NID2: variants seen among roughly 807,000 people sequenced by gnomAD.
The protein encoded by NID2 is nidogen-2.
In NID2, 83 loss-of-function variants were observed where a neutral mutation model predicts 145.4. The ratio of observed to expected loss-of-function variants is 0.57; its 90% CI spans 0.48 to 0.69. NID2 has a LOEUF of 0.69. Ranked by LOEUF, NID2 falls within the 30% of genes least tolerant of loss-of-function variation. The pLI is 0.00. For synonymous variants in NID2, 739 were observed against 701.3 expected (o/e 1.05, Z -0.85); for missense variants, 1,807 against 1,765.7 (o/e 1.02, Z -0.42).
chr14:52,005,887 ATTTACTAGATAAAGAAG>A lies in NID2; in HGVS notation c.4005-55_4005-39del, dbSNP rs760995146. ...AGGAAGAGTGAATTCAGGGACAGTC[ATTTACTAGATAAAGAAG>A]TCAGTCAGCCACAGAAAATCAGTTG... On this transcript the variant is annotated intron_variant, in intron 20 of 21. Coordinates refer to ENST00000216286, the MANE Select transcript of NID2 (RefSeq NM_007361.4). 7.0e-6 allele frequency: 10 copies of A among 1,438,232 alleles called. 1 individual carries two copies. In the South Asian group the frequency reaches 1.0e-4, roughly 15 times the overall value. The allele number at this position is 1,438,232 out of a possible 1,614,324, so 89.1% of individuals were successfully genotyped here.
At chr14:52,006,459 T>C in intron 20 of NID2, 78 bp downstream of exon 20, 6 of 1,564,242 alleles carry the variant, frequency 3.8e-6, no homozygotes, top group Non-Finnish European at 5.2e-6. Flanking sequence ...AGTCAGGTAC[T>C]GACTTTTGGT....
At chr14:52,038,612 A>C in intron 9 of NID2, 135 bp downstream of exon 9, 1 of 598,928 alleles carries the variant, frequency 1.7e-6, no homozygotes, top group Non-Finnish European at 2.7e-6. Context: ...AAGGGCAAGG[A>C]TCTGCTCTAT....
intron 9 of NID2, among the ~76,000 whole-genome samples, chr14:52,030,567 A>AGAAAAAGAAC (rs66551436): frequency 1.0e-5 from 1 of 99,272 alleles, no homozygotes; most frequent in Non-Finnish European, 2.0e-5. Context: ...AAAGAAAGAA[A>AGAAAAAGAAC]GGAAGGAAGG....
chr14:52,004,822 CTT>C lies in NID2; in HGVS notation c.*662_*663del, dbSNP rs1199515011. 8.9e-6 allele frequency: 2 copies of C among 224,952 alleles called. No homozygotes were observed. The highest frequency in any genetic ancestry group is 4.5e-5 in the African/African-American group (2 of 44,074). 13.9% of individuals were successfully genotyped at this position (224,952 alleles called of 1,614,324 possible). A position where few individuals can be genotyped will look rare whatever the true frequency, so the allele number is the denominator to read the frequency against. On this transcript the variant is annotated 3_prime_UTR_variant, in exon 22 of 22. Coordinates refer to ENST00000216286, the MANE Select transcript of NID2 (RefSeq NM_007361.4). ...TTAAGTCATAGGAAAACTTAAAACA[CTT>C]TATTGGAGTAATCTAGAAAATTTTA...
At position 52,054,064 on chromosome 14, in the gene NID2, A is replaced by G. The variant is rs74581978; in HGVS notation, c.1025T>C (p.Ile342Thr). 17 of 1,614,050 alleles carry G rather than the reference A, an allele frequency of 1.1e-5. No individual in the cohort carries two copies. In the Admixed American group the frequency reaches 1.7e-4, roughly 16 times the overall value. Reference protein sequence around the residue: ...PEEALNGHSSIDVSFQSKVDT... With the variant: ...PEEALNGHSSTDVSFQSKVDT... ...CACTTTGGATTGGAAGGAAACATCAATGCTGCTGTGGCCATTCAATGCCTC... is the reference window on the plus strand; with the variant it reads ...CACTTTGGATTGGAAGGAAACATCAGTGCTGCTGTGGCCATTCAATGCCTC... Residue 342 changes from isoleucine to threonine, a missense_variant, in exon 4 of 22, where the codon ATT (isoleucine) becomes ACT (threonine). By Grantham distance (89) the Ile-to-Thr change is moderately conservative. Transcript: ENST00000216286.
At chr14:52,025,236 G>A (rs553618445) in intron 12 of NID2, among the ~76,000 whole-genome samples, 1 of 152,312 alleles carries the variant, frequency 6.6e-6, no homozygotes, top group African/African-American at 2.4e-5. Flanking sequence ...CCTGTAGAGG[G>A]TATCTGTAAA....
At chr14:52,040,566 C>T (rs1411348610) in intron 8 of NID2, 85 bp downstream of exon 8, 1 of 1,136,538 alleles carries the variant, frequency 8.8e-7, no homozygotes, top group African/African-American at 1.5e-5. Context: ...TAAGGACATG[C>T]CATGTAAGTC....
intron 19 of NID2, chr14:52,007,195 C>T (rs551716338): frequency 6.5e-6 from 1 of 153,548 alleles, no homozygotes. Context: ...CTCATGGAGC[C>T]GATTTAAATT....
rs1890994072 is a variant in NID2 at position 52,010,995 on chromosome 14, G to C, written c.3603C>G (p.Tyr1201Ter). 6.2e-7 allele frequency: 1 copy of C among 1,614,060 alleles called. No individual in the cohort carries two copies. Among genetic ancestry groups the C allele is most frequent in the African/African-American group, 1.3e-5 (1 of 74,930 alleles). Reference protein sequence around the residue: ...LAIDHIRRTMYWTDSVLDKIE... With the variant: ...LAIDHIRRTM ...TCTTATCCAGGACACTGTCCGTCCAGTACATTGTTCTGCGGATGTGGTCTA... is the reference window on the plus strand; with the variant it reads ...TCTTATCCAGGACACTGTCCGTCCACTACATTGTTCTGCGGATGTGGTCTA... Residue 1201 changes from tyrosine to a stop codon, truncating the protein, a stop_gained, in exon 18 of 22, where the codon TAC becomes TAG. Coordinates refer to ENST00000216286, the MANE Select transcript of NID2 (RefSeq NM_007361.4). LOFTEE classifies it high-confidence loss of function.
chr14:52,011,136 T>A, intron 17 of NID2, 89 bp from the exon 18 acceptor site: 1 of 1,319,642 alleles, frequency 7.6e-7, no homozygotes, highest in East Asian at 2.4e-5. Context: ...GGCAGGGGGG[T>A]CAGCAGGGGA....
chr14:52,031,953 A>G (rs1482330625), intron 9 of NID2, among the ~76,000 whole-genome samples: 1 of 152,186 alleles, frequency 6.6e-6, no homozygotes, highest in Non-Finnish European at 1.5e-5. Context: ...AGACTTGCCC[A>G]GAGTGACTCC....
At chr14:52,055,941 T>TTGTGTGTGTG (rs10664431) in intron 3 of NID2, among the ~76,000 whole-genome samples, 1 of 150,490 alleles carries the variant, frequency 6.6e-6, no homozygotes, top group Admixed American at 6.6e-5. Context: ...TTGTGTGTGT[T>TTGTGTGTGTG]TGTGTGTGTG....
Position 52,029,650 on chromosome 14 carries a change from C to A in NID2, c.2298G>T (p.Gly766=), listed in dbSNP as rs201368520. 71 of 1,613,830 alleles carry A rather than the reference C, an allele frequency of 4.4e-5. No homozygotes were observed. Among genetic ancestry groups the A allele is most frequent in the Non-Finnish European group, 6.0e-5 (71 of 1,179,866 alleles). ...DPTPGNPCYD[G]SHMCDTTARC... ...GTGCTGTTGTGTCACACATGTGGCT[C>A]CCATCATAGCAAGGATTCCCCGGAG... The change falls in exon 10 of 22, where the codon GGG becomes GGT. Residue 766 remains glycine, a synonymous_variant. Transcript: ENST00000216286.
In NID2 at chr14:52,005,340, C is replaced by G. The variant is rs548902803; in HGVS notation, c.*146G>C. On this transcript the variant is annotated 3_prime_UTR_variant, in exon 22 of 22. Transcript: ENST00000216286. ...TGAGGTATCAGCTTTTCACAAAAGTCTTTTTGCACTACAAAATGTTCATCT... is the reference window on the plus strand; with the variant it reads ...TGAGGTATCAGCTTTTCACAAAAGTGTTTTTGCACTACAAAATGTTCATCT... 533 of 639,874 alleles carry G rather than the reference C, an allele frequency of 8.3e-4. No homozygotes were observed. The highest frequency in any genetic ancestry group is 1.2e-3 in the Non-Finnish European group (484 of 413,010). 39.6% of individuals were successfully genotyped at this position (639,874 alleles called of 1,614,324 possible).
At chr14:52,024,256 G>T (rs890232630) in intron 12 of NID2, among the ~76,000 whole-genome samples, 1 of 152,124 alleles carries the variant, frequency 6.6e-6, no homozygotes, top group African/African-American at 2.4e-5. Flanking sequence ...TCAGTAACTT[G>T]CTTTTAATTA....
Position 52,060,372 on chromosome 14 carries a change from AAAAAAAAGAG to A in NID2, c.535-26_535-17del, listed in dbSNP as rs1892987405. The A allele has an allele frequency of 7.8e-7, 1 of 1,286,658 alleles. No individual in the cohort carries two copies. Among genetic ancestry groups the A allele is most frequent in the Non-Finnish European group, 1.0e-6 (1 of 956,114 alleles). The allele number at this position is 1,286,658 out of a possible 1,614,324, so 79.7% of individuals were successfully genotyped here. A position where few individuals can be genotyped will look rare whatever the true frequency, so the allele number is the denominator to read the frequency against. ...AAGTGTTCAGCTGTGAGGAAAAAAAAAAAAAAAGAGAGAGAGAGAGAGAGAAACATCCTGT... is the reference window on the plus strand; with the variant it reads ...AAGTGTTCAGCTGTGAGGAAAAAAAAAGAGAGAGAGAGAGAAACATCCTGT... On this transcript the variant is annotated splice_polypyrimidine_tract_variant and intron_variant, in intron 2 of 21. Transcript: ENST00000216286.
At chr14:52,014,694 A>G (rs565449429) in intron 15 of NID2, among the ~76,000 whole-genome samples, 122 of 152,142 alleles carry the variant, frequency 8.0e-4, no homozygotes, top group African/African-American at 2.8e-3. Context: ...CCCTCAGAAC[A>G]AAGCAGAACA....
At chr14:52,035,273 TCTC>T (rs905180722) in intron 9 of NID2, among the ~76,000 whole-genome samples, 11 of 152,200 alleles carry the variant, frequency 7.2e-5, no homozygotes, top group Non-Finnish European at 1.2e-4. Context: ...TATGCATCCT[TCTC>T]CTTCTTCCTC....
intron 10 of NID2, 98 bp downstream of exon 10, chr14:52,029,449 T>C: frequency 8.6e-7 from 1 of 1,162,522 alleles, no homozygotes. Flanking sequence ...ATGGAGGTTG[T>C]AAAGGTGACA....
Sources: allele counts gnomAD v4.1 joint callset (sites outside exome capture counted in the v4.1 genomes callset), GRCh38; gene constraint gnomAD v4.1.1; transcripts MANE v1.5; gene names NCBI Gene and HGNC (gene_info 2026-07-23, HGNC 2026-07-21).